The following SLC30A7 variants were observed in gnomAD, a reference collection of about 807,000 sequenced individuals.
SLC30A7 encodes the protein zinc transporter 7.
Under a neutral mutation model 46.0 loss-of-function variants are expected in SLC30A7, and 35 were observed. That is an observed-to-expected ratio of 0.76 (90% CI 0.58 to 1.01). SLC30A7 has a LOEUF of 1.01. Among genes scored for constraint, SLC30A7 ranks in the 50% least tolerant of loss-of-function variants. The pLI, the probability that SLC30A7 is intolerant of heterozygous loss-of-function variation, is 0.00. For missense variants in SLC30A7, 464 were observed against 451.1 expected (o/e 1.03, Z -0.26); for synonymous variants, 147 against 157.8 (o/e 0.93, Z 0.51).
rs536189315 is a variant in SLC30A7, at chr1:100,949,477, C to G, written c.843-12351C>G. ...AGGCTTCATGGGGGTCAGGAACCCACTTGAGGAGGCAGTCTGTCCGTTCTC... is the reference window on the plus strand; with the variant it reads ...AGGCTTCATGGGGGTCAGGAACCCAGTTGAGGAGGCAGTCTGTCCGTTCTC... On this transcript the variant is annotated intron_variant, in intron 8 of 10. Coordinates refer to ENST00000357650, the MANE Select transcript of SLC30A7 (RefSeq NM_133496.5). 4.6e-5 allele frequency among the ~76,000 whole-genome samples: 7 copies of G among 152,332 alleles called. No homozygotes were observed. The South Asian group carries it at 1.4e-3, about 32-fold the overall frequency.
chr1:100,946,063 C>A (rs1005588254), intron 8 of SLC30A7, among the ~76,000 whole-genome samples: 1 of 152,194 alleles, frequency 6.6e-6, no homozygotes, highest in Non-Finnish European at 1.5e-5. Flanking sequence ...AATGGAAGTT[C>A]ACTCATGATT....
rs554897247 is a variant in SLC30A7 at position 100,953,562 on chromosome 1, G to A, written c.843-8266G>A. On this transcript the variant is annotated intron_variant, in intron 8 of 10. Coordinates refer to ENST00000357650, the MANE Select transcript of SLC30A7 (RefSeq NM_133496.5). ...AAATGCAGATTTGCCTAAAGAGCTT[G>A]TTCTCCTGCCTGTGTCCATCCTTAC... is the stretch of plus-strand genomic sequence containing the variant. 4.6e-5 allele frequency among the ~76,000 whole-genome samples: 7 copies of A among 152,258 alleles called. No homozygotes were observed. In the East Asian group the frequency reaches 5.8e-4, roughly 13 times the overall value.
intron 10 of SLC30A7, 39 bp downstream of exon 10, chr1:100,965,957 A>G (rs751231588): frequency 1.3e-6 from 2 of 1,544,134 alleles, no homozygotes. Context: ...GGGCCTTAAC[A>G]TTTTTTATAA....
chr1:100,896,801 G>A, intron 2 of SLC30A7, 130 bp downstream of exon 2: 1 of 773,710 alleles, frequency 1.3e-6, no homozygotes, highest in Non-Finnish European at 2.2e-6. Context: ...CTGCTGCTGA[G>A]TTGCTTTCTC....
chr1:100,946,214 C>A (rs1654625414), intron 8 of SLC30A7, among the ~76,000 whole-genome samples: 1 of 152,160 alleles, frequency 6.6e-6, no homozygotes, highest in Non-Finnish European at 1.5e-5. Context: ...TCTAAATATA[C>A]ATTCATGTCA....
At chr1:100,990,306 T>C in the SLC30A7 span, 1 of 1,074,780 alleles carries the variant, frequency 9.3e-7, no homozygotes, top group African/African-American at 1.6e-5. Context: ...CTGGGAATTA[T>C]GAGGATTAAA....
At chr1:100,956,178 ATGTT>A (rs1227075311) in intron 8 of SLC30A7, among the ~76,000 whole-genome samples, 1 of 152,090 alleles carries the variant, frequency 6.6e-6, no homozygotes, top group African/African-American at 2.4e-5. Context: ...TTTAAAATAT[ATGTT>A]TATTTCTAAC....
At chr1:100,958,270 G>A (rs1393974950) in intron 8 of SLC30A7, among the ~76,000 whole-genome samples, 1 of 151,942 alleles carries the variant, frequency 6.6e-6, no homozygotes, top group Non-Finnish European at 1.5e-5. Context: ...TCCACCTCCC[G>A]GGTTCACGCC....
intron 2 of SLC30A7, 82 bp downstream of exon 2, chr1:100,896,753 T>C: frequency 8.4e-7 from 1 of 1,191,062 alleles, no homozygotes; most frequent in South Asian, 1.3e-5. Flanking sequence ...ACGTAGCTCC[T>C]CACTAGGAGG....
the SLC30A7 span, among the ~76,000 whole-genome samples, chr1:100,988,020 G>A: frequency 0.013 from 1,992 of 152,176 alleles, 55 homozygotes; most frequent in African/African-American, 0.043. Flanking sequence ...GAAAACAGCC[G>A]TCTCTGTTCA....
chr1:100,992,670 C>T, the SLC30A7 span: 1 of 1,613,938 alleles, frequency 6.2e-7, no homozygotes, highest in Admixed American at 1.7e-5. Flanking sequence ...TGATTTTGAA[C>T]AATCTCCAGA....
At chr1:100,985,029 T>C (rs149771600), downstream of SLC30A7, among the ~76,000 whole-genome samples, 289 of 152,190 alleles carry the variant, frequency 1.9e-3, no homozygotes, top group African/African-American at 6.5e-3. Flanking sequence ...GTAACCAAAA[T>C]TTTAAAAACA....
intron 6 of SLC30A7, among the ~76,000 whole-genome samples, chr1:100,916,541 G>A (rs1028522373): frequency 2.0e-5 from 3 of 152,148 alleles, no homozygotes; most frequent in Non-Finnish European, 4.4e-5. Flanking sequence ...CATGCAGTGT[G>A]AAATAATCAC....
Position 100,964,407 on chromosome 1 carries a change from A to G in SLC30A7, c.934-1362A>G, listed in dbSNP as rs541501482. ...TTATATAACCTATATATGTGTATGT[A>G]TATATATAGAGAGAGGGAGAGTTTC... On this transcript the variant is annotated intron_variant, in intron 9 of 10. Coordinates refer to ENST00000357650, the MANE Select transcript of SLC30A7 (RefSeq NM_133496.5). 6.9e-5 allele frequency among the ~76,000 whole-genome samples: 10 copies of G among 144,950 alleles called. No individual in the cohort carries two copies. The South Asian group carries it at 1.5e-3, about 22-fold the overall frequency.
chr1:100,943,230 T>C (rs1259944573), intron 8 of SLC30A7, among the ~76,000 whole-genome samples: 1 of 152,102 alleles, frequency 6.6e-6, no homozygotes, highest in African/African-American at 2.4e-5. Flanking sequence ...GGCTATAAAC[T>C]GGGGATCCCA....
At chr1:100,927,482 G>A (rs72734261) in intron 8 of SLC30A7, among the ~76,000 whole-genome samples, 1 of 152,146 alleles carries the variant, frequency 6.6e-6, no homozygotes, top group Non-Finnish European at 1.5e-5. Context: ...GAGAATGGGA[G>A]GGGAGGAAAT....
At chr1:100,964,184 T>C (rs551357443) in intron 9 of SLC30A7, among the ~76,000 whole-genome samples, 1 of 145,916 alleles carries the variant, frequency 6.9e-6, no homozygotes, top group Admixed American at 6.7e-5. Context: ...TTGTGGTTAT[T>C]ATTTTAAGGT....
intron 3 of SLC30A7, among the ~76,000 whole-genome samples, chr1:100,908,468 T>C (rs1336088349): frequency 1.3e-5 from 2 of 152,180 alleles, no homozygotes; most frequent in East Asian, 1.9e-4. Context: ...AAAAAGGAGA[T>C]GTGGAGTTCT....
chr1:100,925,404 G>C (rs1255757092), intron 8 of SLC30A7, among the ~76,000 whole-genome samples: 1 of 152,230 alleles, frequency 6.6e-6, no homozygotes, highest in African/African-American at 2.4e-5. Flanking sequence ...TTTGGCTGCT[G>C]TGTGGATAAT....
Sources: allele counts gnomAD v4.1 joint callset (sites outside exome capture counted in the v4.1 genomes callset), GRCh38; gene constraint gnomAD v4.1.1; transcripts MANE v1.5; gene names NCBI Gene and HGNC (gene_info 2026-07-23, HGNC 2026-07-21).